COLEC11: variants seen among roughly 807,000 people sequenced by gnomAD.
The protein encoded by COLEC11 is collectin subfamily member 11.
In COLEC11, 20 loss-of-function variants were observed where a neutral mutation model predicts 27.3. The observed-to-expected ratio is 0.73, with a 90% confidence interval of 0.51 to 1.06. The LOEUF (loss-of-function observed/expected upper bound fraction) is 1.06, where lower values mean the gene tolerates loss of function less well. Among genes scored for constraint, COLEC11 ranks in the 50% least tolerant of loss-of-function variants. The pLI, the probability that COLEC11 is intolerant of heterozygous loss-of-function variation, is 0.00. For synonymous variants in COLEC11, 163 were observed against 154.7 expected, an observed-to-expected ratio of 1.05 and a Z score of -0.40; for missense variants, 310 against 383.0, an observed-to-expected ratio of 0.81 and a Z score of 1.59.
intron 1 of COLEC11, among the ~76,000 whole-genome samples, chr2:3,600,749 T>C (rs1662158167): frequency 6.6e-6 from 1 of 152,196 alleles, no homozygotes; most frequent in Non-Finnish European, 1.5e-5. Context: ...CATTGTGTAG[T>C]TGTATACACA....
At chr2:3,641,204 G>A in intron 5 of COLEC11, 1 of 1,301,804 alleles carries the variant, frequency 7.7e-7, no homozygotes, top group South Asian at 1.2e-5. Flanking sequence ...AAAAGAGAGG[G>A]GCTGGATTTC....
chr2:3,609,603 C>T (rs1010510656), intron 2 of COLEC11, among the ~76,000 whole-genome samples: 4 of 151,458 alleles, frequency 2.6e-5, no homozygotes, highest in African/African-American at 9.7e-5. Context: ...GATCTTGGCT[C>T]ACTGCAACCT....
chr2:3,607,251 C>A (rs1662796787), intron 2 of COLEC11, among the ~76,000 whole-genome samples: 1 of 152,046 alleles, frequency 6.6e-6, no homozygotes, highest in South Asian at 2.1e-4. Context: ...ATTATCTTTA[C>A]ATTTAGAGGG....
At chr2:3,630,967 C>G (rs114619263) in intron 3 of COLEC11, among the ~76,000 whole-genome samples, 2 of 152,152 alleles carry the variant, frequency 1.3e-5, no homozygotes, top group African/African-American at 2.4e-5. Context: ...TGAAGAAATG[C>G]AATACAATAC....
chr2:3,616,717 C>A (rs1028111563), intron 3 of COLEC11, among the ~76,000 whole-genome samples: 1 of 152,126 alleles, frequency 6.6e-6, no homozygotes, highest in African/African-American at 2.4e-5. Context: ...CAGTACAGTC[C>A]AGCTTCGGCT....
Position 3,643,793 on chromosome 2 carries a change from C to A in COLEC11, c.491C>A (p.Ala164Glu). 6.2e-7 allele frequency: 1 copy of A among 1,613,568 alleles called. No individual in the cohort carries two copies. Residue 164 changes from alanine to glutamate, a missense_variant, in exon 7 of 7, where the codon GCG (alanine) becomes GAG (glutamate). Coordinates refer to ENST00000349077, the MANE Select transcript of COLEC11 (RefSeq NM_024027.5). ...CTGGTGAAGGAGGAGAAGCGCTACG[C>A]GGACGCCCAGCTGTCCTGCCAGGGC... is the stretch of plus-strand genomic sequence containing the variant. ...YLLVKEEKRY[A>E]DAQLSCQGRG...
chr2:3,640,226 T>A, intron 4 of COLEC11, 52 bp from the exon 5 acceptor site: 1 of 1,079,578 alleles, frequency 9.3e-7, no homozygotes, highest in South Asian at 1.3e-5. Context: ...TTTTAACACA[T>A]AGAACATGTC....
At chr2:3,641,311 G>A in intron 5 of COLEC11, 1 of 1,303,656 alleles carries the variant, frequency 7.7e-7, no homozygotes, top group South Asian at 1.2e-5. Flanking sequence ...ACTTGGCTGA[G>A]TGTGAGTGCG....
intron 3 of COLEC11, among the ~76,000 whole-genome samples, chr2:3,627,332 CGAT>C (rs1664627978): frequency 7.6e-6 from 1 of 132,092 alleles, no homozygotes; most frequent in Non-Finnish European, 1.5e-5. Context: ...GGGGGCATGA[CGAT>C]GGGGTGGATC....
At chr2:3,626,177 T>C in intron 3 of COLEC11, 1 of 1,132,384 alleles carries the variant, frequency 8.8e-7, no homozygotes, top group Non-Finnish European at 1.3e-6. Context: ...CATGGCCACA[T>C]GGCTTGGACA....
In COLEC11 at chr2:3,643,430, C is replaced by T. The variant is rs1666021746; in HGVS notation, c.329-14C>T. The T allele has an allele frequency of 1.2e-6, 2 of 1,608,918 alleles. No individual in the cohort carries two copies. The highest frequency in any genetic ancestry group is 1.7e-6 in the Non-Finnish European group (2 of 1,175,772). ...TCATCCAGCGTTTGTAACGCGTGGG[C>T]CTGGCCCCCGCAGGCCTCCCATGTG... is the stretch of plus-strand genomic sequence containing the variant. On this transcript the variant is annotated splice_polypyrimidine_tract_variant and intron_variant, in intron 5 of 6. Transcript: ENST00000349077.
chr2:3,614,539 T>A (rs1663507595), intron 3 of COLEC11, among the ~76,000 whole-genome samples: 1 of 152,180 alleles, frequency 6.6e-6, no homozygotes, highest in South Asian at 2.1e-4. Flanking sequence ...AACATTCTTT[T>A]TTTTTCTTTT....
At chr2:3,608,432 A>C (rs1179902020) in intron 2 of COLEC11, among the ~76,000 whole-genome samples, 1 of 152,194 alleles carries the variant, frequency 6.6e-6, no homozygotes, top group African/African-American at 2.4e-5. Context: ...TGGAGTGTTG[A>C]GTGGGGACGT....
At chr2:3,643,315 T>C (rs549657573) in intron 5 of COLEC11, 129 bp from the exon 6 acceptor site, 1 of 764,324 alleles carries the variant, frequency 1.3e-6, no homozygotes, top group African/African-American at 1.7e-5. Context: ...GTGATGGTTA[T>C]TGCGGCCTCA....
At chr2:3,633,698 C>T (rs528662251) in intron 3 of COLEC11, among the ~76,000 whole-genome samples, 6 of 152,270 alleles carry the variant, frequency 3.9e-5, no homozygotes, top group African/African-American at 1.4e-4. Flanking sequence ...GCTGTCCCAA[C>T]CTTCCTCCTG....
At chr2:3,600,458 G>A (rs1469035958) in intron 1 of COLEC11, among the ~76,000 whole-genome samples, 4 of 152,188 alleles carry the variant, frequency 2.6e-5, no homozygotes, top group Admixed American at 6.5e-5. Flanking sequence ...GGGAGGCTGA[G>A]GTGGGAGGAT....
chr2:3,601,127 C>A (rs1469535150), intron 1 of COLEC11, among the ~76,000 whole-genome samples: 1 of 149,256 alleles, frequency 6.7e-6, no homozygotes, highest in Non-Finnish European at 1.5e-5. Context: ...GAATTAACCC[C>A]TTTTTCCACC....
chr2:3,626,633 G>A (rs1664576530), intron 3 of COLEC11, among the ~76,000 whole-genome samples: 1 of 152,234 alleles, frequency 6.6e-6, no homozygotes. Flanking sequence ...TCCGGCCTCT[G>A]CAATAACCAA....
At chr2:3,622,289 C>G (rs1664241218) in intron 3 of COLEC11, among the ~76,000 whole-genome samples, 1 of 152,078 alleles carries the variant, frequency 6.6e-6, no homozygotes. Context: ...GATGATGTCA[C>G]TGCACTCCAG....
Sources: gnomAD v4.1 joint callset for allele counts (sites outside exome capture counted in the v4.1 genomes callset) on GRCh38, gnomAD v4.1.1 for gene constraint, MANE v1.5 for transcripts, NCBI Gene and HGNC (gene_info 2026-07-23, HGNC 2026-07-21) for gene names.